The following TFDP2 variants were observed in gnomAD, a reference collection of about 807,000 sequenced individuals.
TFDP2 encodes transcription factor Dp-2.
TFDP2 carries 17 observed loss-of-function variants against 59.3 expected under a neutral mutation model. The ratio of observed to expected loss-of-function variants is 0.29; its 90% CI spans 0.20 to 0.43. The LOEUF (loss-of-function observed/expected upper bound fraction) is 0.43, where lower values mean the gene tolerates loss of function less well. Ranked by LOEUF, TFDP2 falls within the 20% of genes least tolerant of loss-of-function variation. The pLI is 1.00. For missense variants in TFDP2, 391 were observed against 528.8 expected, an observed-to-expected ratio of 0.74 and a Z score of 2.56; for synonymous variants, 180 against 194.7, an observed-to-expected ratio of 0.92 and a Z score of 0.63.
At chr3:142,009,367 G>A (rs1944459659) in intron 3 of TFDP2, among the ~76,000 whole-genome samples, 1 of 152,060 alleles carries the variant, frequency 6.6e-6, no homozygotes. Flanking sequence ...GACTGAACTG[G>A]TATTATCAAA....
In TFDP2 at chr3:142,149,488, C is replaced by T. The variant is rs933097969; in HGVS notation, c.-398G>A. Reference sequence around the variant, plus strand: ...CCGATTTCGTCCGCCCTCTCCCTGCCCAGCTACAGCCCCGCTTCCCCCGCG... The same window carrying T: ...CCGATTTCGTCCGCCCTCTCCCTGCTCAGCTACAGCCCCGCTTCCCCCGCG... On this transcript the variant is annotated 5_prime_UTR_variant, in exon 1 of 13. Coordinates refer to ENST00000489671, the MANE Select transcript of TFDP2 (RefSeq NM_001178139.2). The T allele has an allele frequency of 1.7e-5, 6 of 359,136 alleles. No individual in the cohort carries two copies. In the South Asian group the frequency reaches 8.9e-4, roughly 53 times the overall value. The allele number at this position is 359,136 out of a possible 1,614,324, so 22.2% of individuals were successfully genotyped here.
intron 3 of TFDP2, among the ~76,000 whole-genome samples, chr3:142,039,757 T>C (rs1163086786): frequency 6.6e-6 from 1 of 151,940 alleles, no homozygotes; most frequent in Non-Finnish European, 1.5e-5. Context: ...GCAGCATCAG[T>C]CAACCACTAG....
chr3:141,993,559 A>G lies in TFDP2; in HGVS notation c.335T>C (p.Ile112Thr). 6.3e-7 allele frequency: 1 copy of G among 1,581,562 alleles called. No homozygotes were observed. The highest frequency in any genetic ancestry group is 1.7e-4 in the Middle Eastern group (1 of 5,902). The change falls in exon 6 of 13, where the codon ATA becomes ACA. Residue 112 changes from isoleucine to threonine, a missense_variant. Transcript: ENST00000489671. Reference sequence around the variant, plus strand: ...TCACCTTTCTGAAAAATCAGAGTCTATAAATTTTCTAGCCCGTTTTCTATC... The same window carrying G: ...TCACCTTTCTGAAAAATCAGAGTCTGTAAATTTTCTAGCCCGTTTTCTATC... ...PGDRKRARKF[I>T]DSDFSESKRS...
chr3:142,058,041 A>C (rs1278367061), intron 3 of TFDP2, among the ~76,000 whole-genome samples: 1 of 152,164 alleles, frequency 6.6e-6, no homozygotes, highest in Non-Finnish European at 1.5e-5. Context: ...AAGATTCCAC[A>C]CTCAAATTTC....
At position 141,974,076 on chromosome 3, in the gene TFDP2, T is replaced by G; in HGVS notation, c.635A>C (p.Asn212Thr). 1.2e-6 allele frequency: 2 copies of G among 1,612,370 alleles called. No homozygotes were observed. The highest frequency in any genetic ancestry group is 1.7e-6 in the Non-Finnish European group (2 of 1,179,414). Residue 212 changes from asparagine to threonine, a missense_variant, in exon 8 of 13, where the codon AAT becomes ACT. Physicochemically the swap from Asn to Thr is moderately conservative, Grantham distance 65. Around this residue, in one of 3 missense-constraint regions of TFDP2, gnomAD observed 223 missense variants for 292.5 expected, o/e 0.76. Transcript: ENST00000489671. ...KEIKWIGLPTNSAQECQNLEI... is the reference protein window; with the variant it reads ...KEIKWIGLPTTSAQECQNLEI... ...CAGATTCTGACATTCCTGAGCAGAA[T>G]TGGTAGGCAGGCCAATCCACTTGAT...
chr3:142,092,237 T>C (rs2061017830), intron 3 of TFDP2, among the ~76,000 whole-genome samples: 1 of 152,224 alleles, frequency 6.6e-6, no homozygotes, highest in South Asian at 2.1e-4. Context: ...CATTTCAGCA[T>C]GTATCTCTAT....
chr3:141,968,201 T>C (rs2107946501), intron 9 of TFDP2, among the ~76,000 whole-genome samples: 1 of 145,878 alleles, frequency 6.9e-6, no homozygotes, highest in Non-Finnish European at 1.5e-5. Context: ...CTTTTTTTTT[T>C]TTTAAAGCTG....
chr3:142,114,120 G>A (rs1237566403), intron 1 of TFDP2, among the ~76,000 whole-genome samples: 3 of 151,444 alleles, frequency 2.0e-5, no homozygotes, highest in South Asian at 4.2e-4. Context: ...AGCCGAAATC[G>A]CGCCACTGCA....
At chr3:142,077,696 T>C (rs558920303) in intron 3 of TFDP2, among the ~76,000 whole-genome samples, 2 of 152,126 alleles carry the variant, frequency 1.3e-5, no homozygotes, top group African/African-American at 2.4e-5. Context: ...ATACACTTCA[T>C]GGGCCTTGGG....
chr3:142,010,043 TAAGTG>T (rs1312419710), intron 3 of TFDP2, among the ~76,000 whole-genome samples: 1 of 152,144 alleles, frequency 6.6e-6, no homozygotes, highest in Non-Finnish European at 1.5e-5. Flanking sequence ...TCAGATATCT[TAAGTG>T]AAAAGACTGA....
chr3:142,102,724 T>C (rs1261930612), intron 1 of TFDP2, among the ~76,000 whole-genome samples: 1 of 152,182 alleles, frequency 6.6e-6, no homozygotes, highest in Non-Finnish European at 1.5e-5. Context: ...TTACCAATAA[T>C]GGGGCAAGCC....
At chr3:142,147,412 T>A (rs1469674522) in intron 1 of TFDP2, among the ~76,000 whole-genome samples, 1 of 152,174 alleles carries the variant, frequency 6.6e-6, no homozygotes, top group Non-Finnish European at 1.5e-5. Flanking sequence ...AGGAAGTACA[T>A]CCCACTTCAT....
chr3:142,034,717 CTTT>C (rs34863684), intron 3 of TFDP2, among the ~76,000 whole-genome samples: 7 of 110,616 alleles, frequency 6.3e-5, no homozygotes, highest in African/African-American at 1.1e-4. Flanking sequence ...CTTCTCTTGG[CTTT>C]TTTTTTTTTT....
chr3:142,125,133 T>G (rs2062189092), intron 1 of TFDP2, among the ~76,000 whole-genome samples: 1 of 152,060 alleles, frequency 6.6e-6, no homozygotes, highest in African/African-American at 2.4e-5. Context: ...TTGAGCCCAG[T>G]AGTTCAAGGC....
intron 8 of TFDP2, 116 bp downstream of exon 8, chr3:141,973,932 A>ACATGAAAAATTGGAAATATTTT: frequency 8.3e-7 from 1 of 1,199,006 alleles, no homozygotes; most frequent in Non-Finnish European, 1.2e-6. Flanking sequence ...TTAAAAAATG[A>ACATGAAAAATTGGAAATATTTT]CATGGTATAC....
rs193176427 is a variant in TFDP2, at chr3:141,951,096, C to T, written c.*1417G>A. On this transcript the variant is annotated 3_prime_UTR_variant, in exon 13 of 13. Coordinates refer to ENST00000489671, the MANE Select transcript of TFDP2 (RefSeq NM_001178139.2). ...TCCCCCATGGGATTTAAAAAAGAAC[C>T]AATTTGGGCCATGCTTGGTGCATCT... 3.3e-5 allele frequency: 5 copies of T among 152,252 alleles called. No individual in the cohort carries two copies. In the East Asian group the frequency reaches 9.7e-4, roughly 29 times the overall value. 9.4% of individuals were successfully genotyped at this position (152,252 alleles called of 1,614,324 possible). A position where few individuals can be genotyped will look rare whatever the true frequency, so the allele number is the denominator to read the frequency against.
At chr3:142,058,321 T>G (rs1198289882) in intron 3 of TFDP2, among the ~76,000 whole-genome samples, 5 of 121,736 alleles carry the variant, frequency 4.1e-5, no homozygotes, top group Middle Eastern at 5.0e-3. Context: ...ATGTTTGGGT[T>G]TTTTTTTTTT....
intron 3 of TFDP2, among the ~76,000 whole-genome samples, chr3:142,007,748 G>C (rs767851806): frequency 2.6e-5 from 4 of 152,166 alleles, no homozygotes; most frequent in Non-Finnish European, 5.9e-5. Context: ...TTCTCATAAG[G>C]AGTGTGCAAC....
chr3:142,088,276 G>C (rs896765171), intron 3 of TFDP2, among the ~76,000 whole-genome samples: 3 of 151,770 alleles, frequency 2.0e-5, no homozygotes, highest in Non-Finnish European at 4.4e-5. Context: ...CCCTTCTGTA[G>C]TACTGGCTGG....
Sources: allele counts gnomAD v4.1 joint callset (sites outside exome capture counted in the v4.1 genomes callset), GRCh38; gene constraint gnomAD v4.1.1; regional missense constraint gnomAD v4.1.1; transcripts MANE v1.5; gene names NCBI Gene and HGNC (gene_info 2026-07-23, HGNC 2026-07-21).